Variants in NRXN3 observed in about 807,000 individuals in gnomAD.
The protein encoded by NRXN3 is neurexin 3.
A neutral mutation model predicts 137.6 loss-of-function variants in NRXN3; 32 were observed. The ratio of observed to expected loss-of-function variants is 0.23; its 90% confidence interval spans 0.18 to 0.31. The LOEUF (loss-of-function observed/expected upper bound fraction) is 0.31, where lower values mean the gene tolerates loss of function less well. Ranked by LOEUF, NRXN3 falls within the 10% of genes least tolerant of loss-of-function variation. The pLI is 1.00. For synonymous variants in NRXN3, 798 were observed against 784.5 expected, an observed-to-expected ratio of 1.02 and a Z score of -0.29; for missense variants, 1,574 against 2,062.5, an observed-to-expected ratio of 0.76 and a Z score of 4.59.
intron 8 of NRXN3, among the ~76,000 whole-genome samples, chr14:78,734,184 A>G (rs1395927658): frequency 6.7e-6 from 1 of 150,142 alleles, no homozygotes; most frequent in Admixed American, 6.8e-5. Flanking sequence ...TAAAAGAGCC[A>G]AACACACGTA....
intron 19 of NRXN3, among the ~76,000 whole-genome samples, chr14:79,768,328 A>G (rs1386587240): frequency 6.6e-6 from 1 of 152,240 alleles, no homozygotes; most frequent in Non-Finnish European, 1.5e-5. Context: ...CAGGGCACAC[A>G]CAAACAAAAA....
At chr14:79,254,186 C>A (rs2153382928) in intron 15 of NRXN3, among the ~76,000 whole-genome samples, 1 of 152,278 alleles carries the variant, frequency 6.6e-6, no homozygotes, top group Non-Finnish European at 1.5e-5. Context: ...GTCCCCTCTG[C>A]CTTTCTCAGA....
intron 15 of NRXN3, among the ~76,000 whole-genome samples, chr14:79,427,345 G>A (rs7148714): frequency 2.0e-5 from 3 of 151,962 alleles, no homozygotes; most frequent in African/African-American, 4.8e-5. Context: ...AACTTTCCTC[G>A]CAAGGTTTGT....
At chr14:79,375,275 C>T (rs1353424981) in intron 15 of NRXN3, among the ~76,000 whole-genome samples, 2 of 150,560 alleles carry the variant, frequency 1.3e-5, no homozygotes, top group Middle Eastern at 3.4e-3. Context: ...ACTACACCCC[C>T]GCCTCCAGCT....
chr14:78,243,115 G>T lies in NRXN3; in HGVS notation c.22G>T (p.Val8Phe), dbSNP rs1486009670. The change falls in exon 2 of 21, where the codon GTT (valine) becomes TTT (phenylalanine). Residue 8 changes from valine to phenylalanine, a missense_variant. By Grantham distance (50) the Val-to-Phe change is conservative. This residue lies in a region of NRXN3 where 400 missense variants were observed against 527.3 expected (regional missense o/e 0.76). Transcript: ENST00000335750. This position sits in a 1 kb window ranked among gnomAD's most constrained non-coding sequence, Gnocchi z 4.2. ...GACAATGAGCTCCACACTCCACTCG[G>T]TTTTCTTCACCCTGAAGGTCAGCAT... MSSTLHS[V>F]FFTLKVSILL... 4.6e-6 allele frequency: 7 copies of T among 1,536,338 alleles called. No individual in the cohort carries two copies. In the African/African-American group the frequency reaches 5.5e-5, roughly 12 times the overall value.
chr14:79,754,487 A>T (rs2099010749), intron 19 of NRXN3, among the ~76,000 whole-genome samples: 1 of 112,990 alleles, frequency 8.9e-6, no homozygotes, highest in Non-Finnish European at 1.8e-5. Flanking sequence ...GGGAAGACTC[A>T]CTCTCACTCT....
chr14:78,722,467 A>T, intron 8 of NRXN3, among the ~76,000 whole-genome samples: 1 of 152,124 alleles, frequency 6.6e-6, no homozygotes. Flanking sequence ...ACACAAGGGG[A>T]TTGTTGCAGG....
chr14:79,174,713 T>C (rs1224021434), intron 15 of NRXN3, among the ~76,000 whole-genome samples: 5 of 151,592 alleles, frequency 3.3e-5, no homozygotes. Flanking sequence ...TAAATCCCTA[T>C]CAGGGACTAT....
At chr14:79,279,298 C>T in intron 15 of NRXN3, 1 of 958,530 alleles carries the variant, frequency 1.0e-6, no homozygotes. Context: ...CGGCAGAGCG[C>T]TGGGGCTGCA....
rs556261729 is a variant in NRXN3, at chr14:78,361,209, C to A, written c.757+63349C>A. On this transcript the variant is annotated intron_variant, in intron 4 of 20. Coordinates refer to ENST00000335750, the MANE Select transcript of NRXN3 (RefSeq NM_001330195.2). ...TACCAGTAGCATCCAGGTCCCACCC[C>A]AGATCAATGAAATAAAAATCTCTGG... Among the ~76,000 whole-genome samples the A allele has an allele frequency of 3.2e-4, 48 of 152,262 alleles. No individual in the cohort carries two copies. In the South Asian group the frequency reaches 5.8e-3, roughly 18 times the overall value.
intron 15 of NRXN3, among the ~76,000 whole-genome samples, chr14:79,167,738 G>T (rs2061407091): frequency 1.3e-5 from 2 of 151,366 alleles, no homozygotes; most frequent in South Asian, 4.2e-4. Context: ...ACTTCTCATG[G>T]GATTTTCTTC....
At chr14:79,126,090 A>G (rs2056378215) in intron 15 of NRXN3, among the ~76,000 whole-genome samples, 1 of 152,140 alleles carries the variant, frequency 6.6e-6, no homozygotes, top group African/African-American at 2.4e-5. Flanking sequence ...GGTGACTGAA[A>G]AACTTAACTG....
At chr14:78,931,370 C>T (rs2099321433) in intron 10 of NRXN3, among the ~76,000 whole-genome samples, 1 of 151,816 alleles carries the variant, frequency 6.6e-6, no homozygotes, top group African/African-American at 2.4e-5. Flanking sequence ...TGTTCTCTGT[C>T]CTTAATGATG....
chr14:79,712,755 G>A (rs1002926016), intron 19 of NRXN3, among the ~76,000 whole-genome samples: 4 of 152,100 alleles, frequency 2.6e-5, no homozygotes, highest in Non-Finnish European at 5.9e-5. Flanking sequence ...TCTCCCTTCT[G>A]GAGTCGTCTG....
At chr14:79,225,528 C>T (rs80280160) in intron 15 of NRXN3, among the ~76,000 whole-genome samples, 4,181 of 152,118 alleles carry the variant, frequency 0.027, 140 homozygotes, top group South Asian at 0.086. Context: ...TCACGGCAAC[C>T]TTTGCAATTT....
intron 4 of NRXN3, among the ~76,000 whole-genome samples, chr14:78,322,005 T>G (rs2153559656): frequency 6.6e-6 from 1 of 152,102 alleles, no homozygotes; most frequent in Non-Finnish European, 1.5e-5. Flanking sequence ...CCACTTTGAA[T>G]AAAACTAGGA....
chr14:79,754,503 GATATATATATATATATATATATATATAT>G (rs57962525), intron 19 of NRXN3, among the ~76,000 whole-genome samples: 2,075 of 44,176 alleles, frequency 0.047, 124 homozygotes, highest in Middle Eastern at 0.077. Flanking sequence ...ACTCTCTCTT[GATATATATATATATATATATATATATAT>G]ATATATATAT....
chr14:78,717,295 C>T (rs548181698), intron 8 of NRXN3, among the ~76,000 whole-genome samples: 5 of 152,214 alleles, frequency 3.3e-5, no homozygotes, highest in Non-Finnish European at 5.9e-5. Flanking sequence ...AGTCACTGCA[C>T]CTTTTACATT....
intron 6 of NRXN3, among the ~76,000 whole-genome samples, chr14:78,672,001 C>T (rs541009689): frequency 4.6e-4 from 70 of 152,262 alleles, no homozygotes; most frequent in African/African-American, 1.7e-3. Flanking sequence ...AAGCAGCTTG[C>T]CATCTTATCT....
Sources: gnomAD v4.1 joint callset for allele counts (sites outside exome capture counted in the v4.1 genomes callset) on GRCh38, gnomAD v4.1.1 for gene constraint, gnomAD v4.1.1 regional missense constraint, Gnocchi (gnomAD v3.1) non-coding constraint, MANE v1.5 for transcripts, NCBI Gene and HGNC (gene_info 2026-07-23, HGNC 2026-07-21) for gene names.